MYMX: variants seen among roughly 807,000 people sequenced by gnomAD.
The protein encoded by MYMX is protein myomixer.
chr6:44,198,376 A>G, the MYMX span, among the ~76,000 whole-genome samples: 5 of 151,856 alleles, frequency 3.3e-5, no homozygotes, highest in African/African-American at 1.2e-4. Flanking sequence ...CGTGTTAGCC[A>G]GGATGGTCTC....
chr6:44,203,844 T>TTTTA, the MYMX span, among the ~76,000 whole-genome samples: 3 of 152,048 alleles, frequency 2.0e-5, no homozygotes, highest in East Asian at 1.9e-4. Context: ...ATTTCTTTAT[T>TTTTA]TTTATTTATT....
the MYMX span, among the ~76,000 whole-genome samples, chr6:44,195,168 A>G: frequency 6.6e-6 from 1 of 151,838 alleles, no homozygotes; most frequent in East Asian, 1.9e-4. Flanking sequence ...ACAGGTGCGC[A>G]CCACCAAGCC....
At chr6:44,205,967 C>T in the MYMX span, among the ~76,000 whole-genome samples, 8 of 124,180 alleles carry the variant, frequency 6.4e-5, no homozygotes, top group Admixed American at 5.7e-4. Flanking sequence ...GAGACAGAGC[C>T]AGACCCTTTC....
At chr6:44,192,892 G>A in the MYMX span, among the ~76,000 whole-genome samples, 7 of 152,084 alleles carry the variant, frequency 4.6e-5, no homozygotes, top group African/African-American at 4.8e-5. Context: ...GATGTACTTC[G>A]AGAGCCTGCA....
At chr6:44,210,922 A>G in the MYMX span, among the ~76,000 whole-genome samples, 1 of 152,140 alleles carries the variant, frequency 6.6e-6, no homozygotes, top group Non-Finnish European at 1.5e-5. Flanking sequence ...TGAGGCCAGG[A>G]GTTTGAGGCT....
At chr6:44,197,307 C>T in the MYMX span, among the ~76,000 whole-genome samples, 1 of 152,038 alleles carries the variant, frequency 6.6e-6, no homozygotes, top group African/African-American at 2.4e-5. Context: ...CGGAGGCAGG[C>T]GGATCATTTG....
chr6:44,198,793 T>C, the MYMX span, among the ~76,000 whole-genome samples: 1 of 152,120 alleles, frequency 6.6e-6, no homozygotes, highest in African/African-American at 2.4e-5. Context: ...TTTTTGTATT[T>C]TTAGGAGAGA....
chr6:44,203,665 G>C, the MYMX span, among the ~76,000 whole-genome samples: 2 of 152,088 alleles, frequency 1.3e-5, no homozygotes, highest in Non-Finnish European at 2.9e-5. Context: ...AAATAAGGCA[G>C]TTTTTGTGTG....
the MYMX span, among the ~76,000 whole-genome samples, chr6:44,211,619 C>CT: frequency 8.1e-3 from 1,114 of 137,356 alleles, 9 homozygotes; most frequent in African/African-American, 0.017. Context: ...CTTTTCTTTT[C>CT]TTTTTTTTTT....
the MYMX span, among the ~76,000 whole-genome samples, chr6:44,204,156 C>T: frequency 2.6e-5 from 4 of 151,968 alleles, no homozygotes; most frequent in South Asian, 2.1e-4. Flanking sequence ...GTGGAACTTA[C>T]GTTTTAGTAA....
upstream of MYMX, among the ~76,000 whole-genome samples, chr6:44,212,870 A>C (rs577798285): frequency 2.7e-4 from 41 of 151,574 alleles, no homozygotes; most frequent in African/African-American, 8.5e-4. Flanking sequence ...CAAAAAAAAA[A>C]AAAAAACAAA....
the MYMX span, among the ~76,000 whole-genome samples, chr6:44,207,826 C>T: frequency 6.6e-6 from 1 of 152,118 alleles, no homozygotes; most frequent in Non-Finnish European, 1.5e-5. Context: ...CCACTGTGCC[C>T]GGTCAGTAAA....
the MYMX span, among the ~76,000 whole-genome samples, chr6:44,210,457 T>C: frequency 6.6e-6 from 1 of 152,000 alleles, no homozygotes; most frequent in Non-Finnish European, 1.5e-5. Context: ...TGGTTTTATT[T>C]TTATTTTTGT....
the MYMX span, among the ~76,000 whole-genome samples, chr6:44,208,233 T>G: frequency 5.1e-5 from 7 of 136,954 alleles, no homozygotes; most frequent in Non-Finnish European, 1.1e-4. Context: ...GGCAACAGAG[T>G]GAGATCTTGT....
At chr6:44,199,105 T>G in the MYMX span, among the ~76,000 whole-genome samples, 1 of 152,238 alleles carries the variant, frequency 6.6e-6, no homozygotes, top group African/African-American at 2.4e-5. Flanking sequence ...TGTCTATTCT[T>G]GCATTTTGCC....
chr6:44,204,572 T>G, the MYMX span, among the ~76,000 whole-genome samples: 1 of 152,190 alleles, frequency 6.6e-6, no homozygotes, highest in Non-Finnish European at 1.5e-5. Context: ...AAATCTACAT[T>G]TAACAAGGAA....
At chr6:44,199,651 G>C in the MYMX span, among the ~76,000 whole-genome samples, 6 of 151,280 alleles carry the variant, frequency 4.0e-5, no homozygotes, top group Non-Finnish European at 8.8e-5. Context: ...TTCTTGGTCA[G>C]AGTTGCATTG....
chr6:44,211,788 T>TTGTGTGTGTGTGTGTGTGTGTGTG, the MYMX span, among the ~76,000 whole-genome samples: 969 of 126,364 alleles, frequency 7.7e-3, 25 homozygotes, highest in African/African-American at 0.016. Flanking sequence ...CAGCTAGGTT[T>TTGTGTGTGTGTGTGTGTGTGTGTG]TGTGTGTGTG....
the MYMX span, among the ~76,000 whole-genome samples, chr6:44,194,680 C>T: frequency 1.5e-3 from 233 of 152,234 alleles, no homozygotes; most frequent in South Asian, 2.9e-3. Flanking sequence ...GGAGGATGCT[C>T]GGGGACAGCT....
Sources: allele counts gnomAD v4.1 joint callset (sites outside exome capture counted in the v4.1 genomes callset), GRCh38; gene constraint gnomAD v4.1.1; transcripts MANE v1.5; gene names NCBI Gene and HGNC (gene_info 2026-07-23, HGNC 2026-07-21).